PLEKHG7: variants seen among roughly 807,000 people sequenced by gnomAD.
PLEKHG7 encodes the protein pleckstrin homology domain-containing family G member 7.
PLEKHG7 carries 77 observed loss-of-function variants against 85.2 expected under a neutral mutation model. The observed-to-expected ratio is 0.90, with a 90% CI of 0.75 to 1.09. The LOEUF is 1.09. Among genes scored for constraint, PLEKHG7 ranks in the 50% least tolerant of loss-of-function variants. The pLI is 0.00. For missense variants in PLEKHG7, 777 were observed against 804.3 expected, an observed-to-expected ratio of 0.97 and a Z score of 0.41; for synonymous variants, 301 against 302.4, an observed-to-expected ratio of 1.00 and a Z score of 0.05.
intron 3 of PLEKHG7, among the ~76,000 whole-genome samples, chr12:92,710,887 T>C (rs1038247004): frequency 2.0e-5 from 3 of 152,190 alleles, no homozygotes; most frequent in African/African-American, 4.8e-5. Flanking sequence ...CACTTGATTA[T>C]TAAAATCCTC....
rs114800468 is a variant in PLEKHG7 at position 92,754,244 on chromosome 12, A to T, written c.1406A>T (p.Glu469Val). 703 of 1,613,708 alleles carry T rather than the reference A, an allele frequency of 4.4e-4. 7 individuals carry two copies. In the East Asian group the frequency reaches 0.014, roughly 33 times the overall value. ...AEKIMIYSIK[E>V]KVEKSIRDLE... ...AAAATCATGATCTACTCCATCAAGG[A>T]AAAGGTGGAAAAGTCCATCCGTAAG... The change falls in exon 11 of 17, where the codon GAA becomes GTA. Residue 469 changes from glutamate to valine, a missense_variant. Physicochemically the swap from Glu to Val is moderately radical, Grantham distance 121. Coordinates refer to ENST00000344636, the MANE Select transcript of PLEKHG7 (RefSeq NM_001377329.1).
In PLEKHG7 at chr12:92,763,961, AT is replaced by A. The variant is rs1873110001; in HGVS notation, c.1717-77del. On this transcript the variant is annotated intron_variant, in intron 14 of 16. Transcript: ENST00000344636. Reference sequence around the variant, plus strand: ...TTTAGGCAATTGTTTCTCAGAATCTATTTGCTTACAGATGCACTTTAGATAA... The same window carrying A: ...TTTAGGCAATTGTTTCTCAGAATCTATTGCTTACAGATGCACTTTAGATAA... 8.9e-6 allele frequency: 11 copies of A among 1,237,134 alleles called. No homozygotes were observed. In the East Asian group the frequency reaches 2.8e-4, roughly 31 times the overall value. The allele number at this position is 1,237,134 out of a possible 1,614,324, so 76.6% of individuals were successfully genotyped here. A position where few individuals can be genotyped will look rare whatever the true frequency, so the allele number is the denominator to read the frequency against.
chr12:92,721,558 ATGGTGGG>A, intron 3 of PLEKHG7: 2 of 279,044 alleles, frequency 7.2e-6, no homozygotes, highest in Non-Finnish European at 1.1e-5. Context: ...GGGTTTCTAC[ATGGTGGG>A]TGGGGGTGGG....
chr12:92,705,030 A>C (rs1360413328), intron 1 of PLEKHG7, among the ~76,000 whole-genome samples: 1 of 152,230 alleles, frequency 6.6e-6, no homozygotes, highest in African/African-American at 2.4e-5. Context: ...CCTATTAATT[A>C]TCTATTCACA....
chr12:92,759,825 T>G (rs1283712074), intron 13 of PLEKHG7, among the ~76,000 whole-genome samples: 1 of 152,348 alleles, frequency 6.6e-6, no homozygotes, highest in African/African-American at 2.4e-5. Context: ...ACAGGTCTAG[T>G]GCTGTACCAT....
intron 13 of PLEKHG7, 127 bp from the exon 14 acceptor site, chr12:92,761,625 A>AGGAAGGAAGGAAGGAAG: frequency 1.6e-5 from 1 of 62,128 alleles, no homozygotes; most frequent in Non-Finnish European, 2.3e-5. Context: ...GAAAGAAAGA[A>AGGAAGGAAGGAAGGAAG]GAAAGAAAGA....
intron 2 of PLEKHG7, chr12:92,707,405 C>T (rs913928212): frequency 4.9e-6 from 7 of 1,427,732 alleles, no homozygotes; most frequent in East Asian, 2.5e-5. Flanking sequence ...CCAGGCTTAC[C>T]GATGGTCTGT....
At chr12:92,729,706 T>A (rs1592677903) in intron 4 of PLEKHG7, among the ~76,000 whole-genome samples, 3 of 152,184 alleles carry the variant, frequency 2.0e-5, no homozygotes. Context: ...CTTTGAGAGC[T>A]AAGAGGAGAC....
rs10859378 is a variant in PLEKHG7 at position 92,745,458 on chromosome 12, C to T, written c.1138-20C>T. 83,915 of 1,523,704 alleles carry T rather than the reference C, an allele frequency of 0.055. 3,314 individuals carry two copies. Among genetic ancestry groups the T allele is most frequent in the East Asian group, 0.21 (9,337 of 44,456 alleles). The allele number at this position is 1,523,704 out of a possible 1,614,324, so 94.4% of individuals were successfully genotyped here. On this transcript the variant is annotated intron_variant, in intron 9 of 16. Coordinates refer to ENST00000344636, the MANE Select transcript of PLEKHG7 (RefSeq NM_001377329.1). Reference sequence around the variant, plus strand: ...TCCTTAACTTGTGTTCATCCTCCTTCTGCTCTTCCTTTCTTGCAGTATTTC... The same window carrying T: ...TCCTTAACTTGTGTTCATCCTCCTTTTGCTCTTCCTTTCTTGCAGTATTTC...
At chr12:92,769,204 T>A in intron 16 of PLEKHG7, 124 bp downstream of exon 16, 1 of 679,116 alleles carries the variant, frequency 1.5e-6, no homozygotes. Flanking sequence ...GAAGGGCAGA[T>A]TTGGGAGGAG....
intron 5 of PLEKHG7, among the ~76,000 whole-genome samples, chr12:92,732,904 G>A (rs1182030938): frequency 6.6e-6 from 1 of 152,046 alleles, no homozygotes; most frequent in Non-Finnish European, 1.5e-5. Flanking sequence ...TGTTTTCTAG[G>A]GGGAGAAAAG....
chr12:92,754,430 A>G (rs1872771988), intron 11 of PLEKHG7, among the ~76,000 whole-genome samples, 166 bp downstream of exon 11: 1 of 152,206 alleles, frequency 6.6e-6, no homozygotes, highest in Admixed American at 6.5e-5. Flanking sequence ...CGCACAGAAC[A>G]ATGGGCTCCA....
chr12:92,711,680 GTC>G (rs889518109), intron 3 of PLEKHG7, among the ~76,000 whole-genome samples: 1 of 152,172 alleles, frequency 6.6e-6, no homozygotes, highest in Non-Finnish European at 1.5e-5. Context: ...AATCCTAGAG[GTC>G]TCTGCTGTGA....
chr12:92,728,940 A>G, intron 3 of PLEKHG7, 53 bp from the exon 4 acceptor site: 1 of 1,192,314 alleles, frequency 8.4e-7, no homozygotes, highest in Non-Finnish European at 1.1e-6. Flanking sequence ...AGCCATTCTG[A>G]GTGGTCTAAG....
At chr12:92,761,684 A>AAGAG in intron 13 of PLEKHG7, 68 bp from the exon 14 acceptor site, 1 of 1,391,746 alleles carries the variant, frequency 7.2e-7, no homozygotes, top group Non-Finnish European at 9.3e-7. Context: ...GAAAGAAAGA[A>AAGAG]AGGGAAAGAA....
chr12:92,759,374 A>T (rs1228661551), intron 13 of PLEKHG7, among the ~76,000 whole-genome samples: 1 of 152,238 alleles, frequency 6.6e-6, no homozygotes, highest in African/African-American at 2.4e-5. Context: ...TTTGACAATG[A>T]TCATTGAGCT....
chr12:92,755,680 C>G (rs989911115), intron 11 of PLEKHG7, 145 bp from the exon 12 acceptor site: 1 of 640,604 alleles, frequency 1.6e-6, no homozygotes, highest in Non-Finnish European at 2.8e-6. Context: ...GCATGAACAG[C>G]AAGCAATATG....
Position 92,754,194 on chromosome 12 carries a change from GA to G in PLEKHG7, c.1360del (p.Arg454GlyfsTer10), listed in dbSNP as rs1191896146. ...RYPLLLKNIW[K>X]RSMDSAEKIM... ...ATCCGTTGTTGCTGAAGAATATCTG[GA>G]AAAGGAGCATGGACTCTGCTGAGAA... On this transcript the variant is annotated frameshift_variant, in exon 11 of 17. Transcript: ENST00000344636. LOFTEE classifies it high-confidence loss of function. 6.2e-7 allele frequency: 1 copy of G among 1,614,052 alleles called. No homozygotes were observed.
Position 92,769,465 on chromosome 12 carries a change from A to G in PLEKHG7, c.1968+385A>G, listed in dbSNP as rs918815564. Among the ~76,000 whole-genome samples, 3 of 152,180 alleles carry G rather than the reference A, an allele frequency of 2.0e-5. No homozygotes were observed. The South Asian group carries it at 6.2e-4, about 32-fold the overall frequency. ...GCTCCAATCAGTTTCCAAAGTGCAT[A>G]TAATAGGATATTAGCTTAAGGAGGG... On this transcript the variant is annotated intron_variant, in intron 16 of 16. Transcript: ENST00000344636.
Sources: allele counts gnomAD v4.1 joint callset (sites outside exome capture counted in the v4.1 genomes callset), GRCh38; gene constraint gnomAD v4.1.1; transcripts MANE v1.5; gene names NCBI Gene and HGNC (gene_info 2026-07-23, HGNC 2026-07-21).